The following RAB3GAP1 variants were observed in gnomAD, a reference collection of about 807,000 sequenced individuals.
The protein encoded by RAB3GAP1 is rab3 GTPase-activating protein catalytic subunit.
RAB3GAP1 carries 86 observed loss-of-function variants against 130.7 expected under a neutral mutation model. That is an observed-to-expected ratio of 0.66 (90% confidence interval 0.55 to 0.79). The LOEUF is 0.79. Among genes scored for constraint, RAB3GAP1 ranks in the 30% least tolerant of loss-of-function variants. RAB3GAP1 has a pLI of 0.00. For synonymous variants in RAB3GAP1, 367 were observed against 401.7 expected (o/e 0.91, Z 1.03); for missense variants, 1,029 against 1,169.4 (o/e 0.88, Z 1.75).
At chr2:135,054,255 A>G (rs1688952361) in intron 2 of RAB3GAP1, among the ~76,000 whole-genome samples, 1 of 152,220 alleles carries the variant, frequency 6.6e-6, no homozygotes, top group African/African-American at 2.4e-5. Flanking sequence ...ACACGGTCTC[A>G]GGTAATTCAG....
chr2:135,081,326 AAATATATAT>A (rs1689797893), intron 3 of RAB3GAP1, among the ~76,000 whole-genome samples: 1 of 87,470 alleles, frequency 1.1e-5, no homozygotes, highest in Admixed American at 1.6e-4. Context: ...AAAAAAAAAA[AAATATATAT>A]ATATATATAT....
rs369391675 is a variant in RAB3GAP1 at position 135,126,165 on chromosome 2, A to G, written c.831-16A>G. 5.7e-6 allele frequency: 9 copies of G among 1,592,108 alleles called. No homozygotes were observed. The highest frequency in any genetic ancestry group is 1.7e-4 in the Middle Eastern group (1 of 6,030). On this transcript the variant is annotated splice_polypyrimidine_tract_variant and intron_variant, in intron 9 of 23. Transcript: ENST00000264158. The stretch of plus-strand genomic sequence containing the variant: ...AGTCAGTATTAAAGCTTTTGGGTAT[A>G]TTTTATGTTTTTTAGTGAACTCCAT...
In RAB3GAP1 at chr2:135,091,125, TA is replaced by T; in HGVS notation, c.279del (p.Glu94ArgfsTer14). ...STDKEGKDEL[L>X]EDVVPQSMQD... ...GATAAAGAAGGAAAGGATGAGTTAT[TA>T]GAGGGTAAGTTATTTCTATATAATA... On this transcript the variant is annotated frameshift_variant, in exon 4 of 24. Transcript: ENST00000264158. LOFTEE classifies it high-confidence loss of function. 6.3e-7 allele frequency: 1 copy of T among 1,585,244 alleles called. No homozygotes were observed. Among genetic ancestry groups the T allele is most frequent in the Non-Finnish European group, 8.7e-7 (1 of 1,154,270 alleles).
At chr2:135,083,434 A>G (rs867389408) in intron 3 of RAB3GAP1, among the ~76,000 whole-genome samples, 25 of 152,188 alleles carry the variant, frequency 1.6e-4, no homozygotes, top group Admixed American at 7.9e-4. Flanking sequence ...CCAGCCATGT[A>G]TAAGACTCCT....
downstream of RAB3GAP1, among the ~76,000 whole-genome samples, chr2:135,171,600 G>A (rs1692857684): frequency 6.6e-6 from 1 of 152,104 alleles, no homozygotes; most frequent in Non-Finnish European, 1.5e-5. Context: ...TCAAGTTGGG[G>A]TATTTTAAAA....
intron 9 of RAB3GAP1, among the ~76,000 whole-genome samples, chr2:135,125,241 C>T (rs1192758709): frequency 6.6e-6 from 1 of 152,066 alleles, no homozygotes; most frequent in Non-Finnish European, 1.5e-5. Context: ...TTGTGTCTGA[C>T]TTATTTTAAT....
chr2:135,052,380 G>T, intron 1 of RAB3GAP1, 50 bp from the exon 2 acceptor site: 1 of 1,614,174 alleles, frequency 6.2e-7, no homozygotes, highest in African/African-American at 1.3e-5. Flanking sequence ...CGTTCCTCAT[G>T]TCTTCGCCTT....
chr2:135,117,663 G>GCTT (rs1553445303), intron 7 of RAB3GAP1, among the ~76,000 whole-genome samples: 5 of 39,950 alleles, frequency 1.3e-4, no homozygotes, highest in African/African-American at 2.6e-4. Flanking sequence ...TGCTTCTTCT[G>GCTT]CTTCTGCTTC....
At position 135,168,555 on chromosome 2, in the gene RAB3GAP1, T is replaced by C. The variant is rs1369665459; in HGVS notation, c.2720T>C (p.Met907Thr). Residue 907 changes from methionine (M) to threonine (T), a missense_variant, in exon 24 of 24, where the codon ATG (methionine) becomes ACG (threonine). By Grantham distance (81) the Met-to-Thr change is moderately conservative. Transcript: ENST00000264158. ...TTGATTCTTTTCCAGGCTGCAGCTA[T>C]GACTCCACCAGAGGAGGAATTGAAG... ...LFVNAQRAAA[M>T]TPPEEELKRM... 4 of 1,613,522 alleles carry C rather than the reference T, an allele frequency of 2.5e-6. 1 individual carries two copies. Among genetic ancestry groups the C allele is most frequent in the Non-Finnish European group, 3.4e-6 (4 of 1,179,514 alleles).
intron 3 of RAB3GAP1, among the ~76,000 whole-genome samples, chr2:135,083,527 C>CCTCA (rs1689887293): frequency 1.3e-5 from 2 of 152,020 alleles, no homozygotes; most frequent in African/African-American, 2.4e-5. Flanking sequence ...GTGCTACAAT[C>CCTCA]ATAGTTTACT....
chr2:135,139,713 TA>T (rs1045250132), intron 17 of RAB3GAP1, among the ~76,000 whole-genome samples: 1 of 152,194 alleles, frequency 6.6e-6, no homozygotes, highest in African/African-American at 2.4e-5. Context: ...GGAAATTCTC[TA>T]CATTCTCTGT....
chr2:135,150,014 G>T (rs538570569), intron 17 of RAB3GAP1, among the ~76,000 whole-genome samples: 1 of 152,132 alleles, frequency 6.6e-6, no homozygotes, highest in Non-Finnish European at 1.5e-5. Flanking sequence ...TTAAAATTTT[G>T]TTGCAGCTAG....
At chr2:135,147,491 T>C (rs1257592420) in intron 17 of RAB3GAP1, among the ~76,000 whole-genome samples, 2 of 152,176 alleles carry the variant, frequency 1.3e-5, no homozygotes, top group South Asian at 2.1e-4. Context: ...TAGTTTGTAT[T>C]ACTCTAGTTT....
At position 135,130,038 on chromosome 2, in the gene RAB3GAP1, G is replaced by C; in HGVS notation, c.1017G>C (p.Glu339Asp). The C allele has an allele frequency of 6.2e-7, 1 of 1,612,968 alleles. No homozygotes were observed. The highest frequency in any genetic ancestry group is 8.5e-7 in the Non-Finnish European group (1 of 1,179,574). The change falls in exon 12 of 24, where the codon GAG becomes GAC. Residue 339 changes from glutamate to aspartate, a missense_variant. Physicochemically the swap from Glu to Asp is conservative, Grantham distance 45. Around this residue, in one of 3 missense-constraint regions of RAB3GAP1, gnomAD observed 510 missense variants for 532.1 expected, o/e 0.96. Coordinates refer to ENST00000264158, the MANE Select transcript of RAB3GAP1 (RefSeq NM_012233.3). Reference sequence around the variant, plus strand: ...TTTTTAAAATTTGCCGTCGAAAGGAGTCAACTGATGAGATTCTTGGACGAT... The same window carrying C: ...TTTTTAAAATTTGCCGTCGAAAGGACTCAACTGATGAGATTCTTGGACGAT... ...TEFFKICRRK[E>D]STDEILGRSA...
intron 6 of RAB3GAP1, 26 bp from the exon 7 acceptor site, chr2:135,115,190 C>G (rs1690933328): frequency 3.8e-6 from 6 of 1,588,594 alleles, no homozygotes; most frequent in Non-Finnish European, 5.2e-6. Flanking sequence ...GCTTGTATTC[C>G]ATTCCTATTT....
chr2:135,161,993 T>C (rs1199989246), intron 19 of RAB3GAP1, among the ~76,000 whole-genome samples: 1 of 152,140 alleles, frequency 6.6e-6, no homozygotes, highest in Non-Finnish European at 1.5e-5. Flanking sequence ...ATTTATAGGG[T>C]TATACTTCTT....
At chr2:135,117,750 G>GCTT (rs1691063942) in intron 7 of RAB3GAP1, among the ~76,000 whole-genome samples, 1 of 40,268 alleles carries the variant, frequency 2.5e-5, no homozygotes, top group Non-Finnish European at 5.6e-5. Context: ...TTCTTCTTCT[G>GCTT]CTTCTGCTTC....
intron 3 of RAB3GAP1, among the ~76,000 whole-genome samples, chr2:135,081,946 G>A: frequency 6.6e-6 from 1 of 151,992 alleles, no homozygotes; most frequent in Middle Eastern, 3.2e-3. Flanking sequence ...TTTAAGACCA[G>A]CCTGGCCAAC....
intron 3 of RAB3GAP1, among the ~76,000 whole-genome samples, chr2:135,078,755 A>C (rs981354261): frequency 2.1e-5 from 3 of 144,566 alleles, no homozygotes; most frequent in Non-Finnish European, 4.5e-5. Context: ...CCCAGGTTGG[A>C]GTGCAACCTC....
Sources: allele counts gnomAD v4.1 joint callset (sites outside exome capture counted in the v4.1 genomes callset), GRCh38; gene constraint gnomAD v4.1.1; regional missense constraint gnomAD v4.1.1; transcripts MANE v1.5; gene names NCBI Gene and HGNC (gene_info 2026-07-23, HGNC 2026-07-21).